DKK2: variants seen among roughly 807,000 people sequenced by gnomAD.
The protein encoded by DKK2 is dickkopf Wnt signaling pathway inhibitor 2, also known as dickkopf-related protein 2.
Under a neutral mutation model 28.1 loss-of-function variants are expected in DKK2, and 11 were observed. The ratio of observed to expected loss-of-function variants is 0.39; its 90% confidence interval spans 0.25 to 0.65. DKK2 has a LOEUF of 0.65. Among genes scored for constraint, DKK2 ranks in the 30% least tolerant of loss-of-function variants. The pLI is 0.47. For synonymous variants in DKK2, 135 were observed against 126.5 expected, an observed-to-expected ratio of 1.07 and a Z score of -0.45; for missense variants, 326 against 335.5, an observed-to-expected ratio of 0.97 and a Z score of 0.22.
intron 1 of DKK2, among the ~76,000 whole-genome samples, chr4:106,979,442 CT>C (rs11354225): frequency 0.22 from 30,154 of 138,276 alleles, 3,236 homozygotes; most frequent in East Asian, 0.42. Context: ...TAGTATCCTT[CT>C]TTTTTTTTTT....
In DKK2 at chr4:106,954,596, A is replaced by C. The variant is rs57062759; in HGVS notation, c.223-28647T>G. On this transcript the variant is annotated intron_variant, in intron 1 of 3. Transcript: ENST00000285311. ...GAGTGCAATGGCATGATCTCGGCTC[A>C]CTGCAACTTCTGCCACCCAGGTTCA... Among the ~76,000 whole-genome samples, 780 of 152,218 alleles carry C rather than the reference A, an allele frequency of 5.1e-3. 4 individuals are homozygous for C. The highest frequency in any genetic ancestry group is 0.017 in the African/African-American group (725 of 41,536).
At chr4:107,002,481 T>A (rs1723373640) in intron 1 of DKK2, among the ~76,000 whole-genome samples, 1 of 152,174 alleles carries the variant, frequency 6.6e-6, no homozygotes, top group Non-Finnish European at 1.5e-5. Context: ...TTTATTTAGC[T>A]TTTTTGTTTT....
intron 1 of DKK2, among the ~76,000 whole-genome samples, chr4:107,015,510 A>G (rs558361480): frequency 6.6e-6 from 1 of 151,806 alleles, no homozygotes; most frequent in South Asian, 2.1e-4. Flanking sequence ...ACATCTCCCA[A>G]TTAGTGGCCT....
At chr4:106,959,550 C>T (rs913454335) in intron 1 of DKK2, among the ~76,000 whole-genome samples, 1 of 151,916 alleles carries the variant, frequency 6.6e-6, no homozygotes, top group Admixed American at 6.6e-5. Flanking sequence ...GATCTAGACT[C>T]AAAATTTGTA....
Position 106,923,922 on chromosome 4 carries a change from A to T in DKK2, c.*32T>A. On this transcript the variant is annotated 3_prime_UTR_variant, in exon 4 of 4. Transcript: ENST00000285311. ...TAATGCATTAAATACACAACTTCAC[A>T]GTCTGCAATTGATGATGTTCCTCAA... 6.2e-7 allele frequency: 1 copy of T among 1,607,648 alleles called. No homozygotes were observed. The highest frequency in any genetic ancestry group is 8.5e-7 in the Non-Finnish European group (1 of 1,174,706).
At chr4:106,947,542 C>A (rs1724796027) in intron 1 of DKK2, among the ~76,000 whole-genome samples, 1 of 152,032 alleles carries the variant, frequency 6.6e-6, no homozygotes, top group Admixed American at 6.6e-5. Context: ...CTTGGAGCAG[C>A]CTTCCCATAA....
intron 1 of DKK2, among the ~76,000 whole-genome samples, chr4:107,000,149 G>C (rs1723338592): frequency 6.6e-6 from 1 of 152,232 alleles, no homozygotes; most frequent in Non-Finnish European, 1.5e-5. Flanking sequence ...CTATTCAATG[G>C]ATTGGCTCTA....
intron 1 of DKK2, among the ~76,000 whole-genome samples, chr4:106,981,715 C>CCCATCT (rs749219282): frequency 7.9e-5 from 12 of 152,112 alleles, no homozygotes; most frequent in Non-Finnish European, 1.8e-4. Flanking sequence ...TACTGCAAAG[C>CCCATCT]CCATCTTTTT....
intron 1 of DKK2, among the ~76,000 whole-genome samples, chr4:106,973,031 T>A (rs887441164): frequency 2.0e-5 from 3 of 152,150 alleles, no homozygotes; most frequent in South Asian, 4.1e-4. Context: ...AGAATGATGG[T>A]TTCCAGCTTC....
intron 1 of DKK2, among the ~76,000 whole-genome samples, chr4:106,930,765 G>A (rs1034283611): frequency 1.3e-5 from 2 of 152,124 alleles, no homozygotes; most frequent in African/African-American, 4.8e-5. Flanking sequence ...AAGCCTGCAG[G>A]GGACGACCCA....
At chr4:106,990,302 T>C (rs1723184930) in intron 1 of DKK2, among the ~76,000 whole-genome samples, 1 of 152,172 alleles carries the variant, frequency 6.6e-6, no homozygotes, top group Non-Finnish European at 1.5e-5. Flanking sequence ...GATGCAGATT[T>C]AGAGAAACAA....
intron 1 of DKK2, among the ~76,000 whole-genome samples, chr4:106,931,528 T>C (rs1340563648): frequency 6.6e-6 from 1 of 152,150 alleles, no homozygotes; most frequent in Non-Finnish European, 1.5e-5. Flanking sequence ...TTTTCTAAGA[T>C]AAAATTTGCA....
intron 1 of DKK2, among the ~76,000 whole-genome samples, chr4:106,967,351 T>G (rs1722798033): frequency 6.6e-6 from 1 of 152,126 alleles, no homozygotes; most frequent in African/African-American, 2.4e-5. Context: ...AATGTGGTAC[T>G]CCAGCTAAAC....
chr4:106,925,839 G>T lies in DKK2; in HGVS notation c.333C>A (p.His111Gln). 1 of 1,613,576 alleles carries T rather than the reference G, an allele frequency of 6.2e-7. No homozygotes were observed. Among genetic ancestry groups the T allele is most frequent in the Non-Finnish European group, 8.5e-7 (1 of 1,179,808 alleles). Residue 111 changes from histidine to glutamine, a missense_variant, in exon 2 of 4, where the codon CAC becomes CAA. His to Gln is a conservative substitution (Grantham distance 24). Transcript: ENST00000285311. The part of the protein sequence containing the change: ...MVCRRKKKRC[H>Q]RDGMCCPSTR... ...TACTGGGGCAGCACATGCCATCTCGGTGGCAGCGCTTCTTTTTTCTCCGAC... is the reference window on the plus strand; with the variant it reads ...TACTGGGGCAGCACATGCCATCTCGTTGGCAGCGCTTCTTTTTTCTCCGAC...
intron 1 of DKK2, among the ~76,000 whole-genome samples, chr4:106,984,447 A>G (rs1265827519): frequency 6.6e-6 from 1 of 152,160 alleles, no homozygotes; most frequent in Non-Finnish European, 1.5e-5. Flanking sequence ...GCAACATGTT[A>G]CCTGTGTCTG....
At chr4:106,937,997 A>G (rs1389934768) in intron 1 of DKK2, among the ~76,000 whole-genome samples, 6 of 142,688 alleles carry the variant, frequency 4.2e-5, no homozygotes, top group Non-Finnish European at 7.7e-5. Flanking sequence ...ATAGCACTAA[A>G]TGCCCACAAG....
At chr4:106,968,289 C>T (rs1722814017) in intron 1 of DKK2, among the ~76,000 whole-genome samples, 1 of 152,124 alleles carries the variant, frequency 6.6e-6, no homozygotes, top group Admixed American at 6.6e-5. Context: ...CCATCTACTA[C>T]CGTGGCTCCT....
intron 1 of DKK2, among the ~76,000 whole-genome samples, chr4:106,928,645 G>C (rs1396367842): frequency 3.9e-5 from 6 of 152,074 alleles, no homozygotes; most frequent in Non-Finnish European, 5.9e-5. Context: ...CTTGCCCTCT[G>C]AAATCCATGT....
At chr4:106,941,264 T>C (rs1724694822) in intron 1 of DKK2, among the ~76,000 whole-genome samples, 4 of 152,104 alleles carry the variant, frequency 2.6e-5, no homozygotes, top group Admixed American at 2.6e-4. Flanking sequence ...TGGAATAAGT[T>C]CTGGATTAAG....
Sources: gnomAD v4.1 joint callset for allele counts (sites outside exome capture counted in the v4.1 genomes callset) on GRCh38, gnomAD v4.1.1 for gene constraint, MANE v1.5 for transcripts, NCBI Gene and HGNC (gene_info 2026-07-23, HGNC 2026-07-21) for gene names.